CNIH3: variants seen among roughly 807,000 people sequenced by gnomAD.
CNIH3 encodes protein cornichon homolog 3.
In CNIH3, 14 loss-of-function variants were observed where a neutral mutation model predicts 24.1. The ratio of observed to expected loss-of-function variants is 0.58; its 90% CI spans 0.38 to 0.91. The LOEUF is 0.91. CNIH3 is among the 40% of genes least tolerant of loss of function. The pLI is 0.00. For synonymous variants in CNIH3, 68 were observed against 73.8 expected (o/e 0.92, Z 0.40); for missense variants, 178 against 196.8 (o/e 0.90, Z 0.57).
At chr1:224,652,003 A>G (rs1156633952) in intron 1 of CNIH3, among the ~76,000 whole-genome samples, 1 of 152,030 alleles carries the variant, frequency 6.6e-6, no homozygotes, top group Admixed American at 6.6e-5. Flanking sequence ...TTTTCAATCC[A>G]TTAGGTGTAA....
intron 1 of CNIH3, among the ~76,000 whole-genome samples, chr1:224,666,988 A>G (rs1572688583): frequency 6.6e-6 from 1 of 151,960 alleles, no homozygotes; most frequent in East Asian, 1.9e-4. Context: ...CCCTTTCCTG[A>G]CCCCTGTCAT....
At chr1:224,675,218 A>C (rs141778561) in intron 1 of CNIH3, among the ~76,000 whole-genome samples, 125 of 152,342 alleles carry the variant, frequency 8.2e-4, no homozygotes, top group South Asian at 1.5e-3. Flanking sequence ...AGATTTGACA[A>C]CTTCGATGAA....
chr1:224,592,001 G>A (rs1364163626), downstream of CNIH3, among the ~76,000 whole-genome samples: 1 of 152,166 alleles, frequency 6.6e-6, no homozygotes, highest in Non-Finnish European at 1.5e-5. Flanking sequence ...AACATAAAGA[G>A]TGGCTGTTGT....
At chr1:224,639,815 C>A (rs1301991310) in intron 1 of CNIH3, among the ~76,000 whole-genome samples, 6 of 152,198 alleles carry the variant, frequency 3.9e-5, no homozygotes, top group Admixed American at 1.3e-4. Context: ...TTTCTGCTGA[C>A]CCCAAGATTA....
intron 3 of CNIH3, among the ~76,000 whole-genome samples, chr1:224,727,032 C>G (rs1237172132): frequency 6.6e-6 from 1 of 152,186 alleles, no homozygotes; most frequent in African/African-American, 2.4e-5. Context: ...GAGGGAACGC[C>G]TGGTCTGACT....
intron 1 of CNIH3, among the ~76,000 whole-genome samples, chr1:224,464,999 G>GC (rs1676096331): frequency 6.6e-6 from 1 of 151,980 alleles, no homozygotes; most frequent in South Asian, 2.1e-4. Flanking sequence ...TCACCATGTT[G>GC]CCCAGGCTGG....
intron 1 of CNIH3, among the ~76,000 whole-genome samples, chr1:224,663,765 G>A (rs937984188): frequency 1.3e-5 from 2 of 152,142 alleles, no homozygotes; most frequent in African/African-American, 4.8e-5. Flanking sequence ...CATTTCAAAG[G>A]CTGTTCTTCA....
intron 1 of CNIH3, among the ~76,000 whole-genome samples, chr1:224,520,247 A>T (rs1296795791): frequency 6.6e-6 from 1 of 152,264 alleles, no homozygotes; most frequent in African/African-American, 2.4e-5. Flanking sequence ...GCAGCACAAC[A>T]TCTCTCAAGC....
intron 1 of CNIH3, among the ~76,000 whole-genome samples, chr1:224,460,076 CAT>C (rs1318394284): frequency 6.6e-6 from 1 of 151,906 alleles, no homozygotes; most frequent in Non-Finnish European, 1.5e-5. Flanking sequence ...AGGGTTTTGT[CAT>C]ATCGCCCAGG....
intron 3 of CNIH3, among the ~76,000 whole-genome samples, chr1:224,547,766 G>A (rs61825840): frequency 0.18 from 26,854 of 151,608 alleles, 2,523 homozygotes; most frequent in South Asian, 0.36. Flanking sequence ...GATATTATTC[G>A]TAATACCGAA....
chr1:224,636,232 C>G (rs993165611), intron 1 of CNIH3, among the ~76,000 whole-genome samples: 3 of 151,962 alleles, frequency 2.0e-5, no homozygotes, highest in Admixed American at 6.6e-5. Flanking sequence ...TTCGGTTTAC[C>G]ATTTGCATAT....
intron 1 of CNIH3, among the ~76,000 whole-genome samples, chr1:224,465,413 A>G (rs1676114348): frequency 6.6e-6 from 1 of 152,196 alleles, no homozygotes; most frequent in South Asian, 2.1e-4. Flanking sequence ...CTGGCTGGTT[A>G]GAATTATCTT....
chr1:224,516,732 A>G (rs1271838582), intron 1 of CNIH3, among the ~76,000 whole-genome samples: 3 of 152,234 alleles, frequency 2.0e-5, no homozygotes, highest in Non-Finnish European at 2.9e-5. Context: ...CCTGCCATGG[A>G]CAGAACAGCG....
In CNIH3 at chr1:224,616,560, T is replaced by C; in HGVS notation, c.-615T>C. Reference sequence around the variant, plus strand: ...GCGCACGGCTGCGCTGGAAGCCGCGTCTGGGGCGCAGGACCAACGGGACCT... The same window carrying C: ...GCGCACGGCTGCGCTGGAAGCCGCGCCTGGGGCGCAGGACCAACGGGACCT... On this transcript the variant is annotated 5_prime_UTR_variant, in exon 1 of 6. Coordinates refer to ENST00000272133, the MANE Select transcript of CNIH3 (RefSeq NM_152495.2). 1 of 986,838 alleles carries C rather than the reference T, an allele frequency of 1.0e-6. No homozygotes were observed. Among genetic ancestry groups the C allele is most frequent in the Non-Finnish European group, 1.2e-6 (1 of 830,910 alleles). The allele number at this position is 986,838 out of a possible 1,614,324, so 61.1% of individuals were successfully genotyped here. A position where few individuals can be genotyped will look rare whatever the true frequency, so the allele number is the denominator to read the frequency against.
intron 1 of CNIH3, among the ~76,000 whole-genome samples, chr1:224,666,886 G>GTGC (rs1008000913): frequency 2.6e-5 from 4 of 152,148 alleles, no homozygotes; most frequent in African/African-American, 9.6e-5. Context: ...GTCATGTCAC[G>GTGC]TGCATGCGGT....
chr1:224,534,999 C>T (rs1261798249), intron 2 of CNIH3, among the ~76,000 whole-genome samples: 1 of 152,182 alleles, frequency 6.6e-6, no homozygotes, highest in Non-Finnish European at 1.5e-5. Flanking sequence ...CACCTACCGG[C>T]CTATATTTCC....
chr1:224,690,535 T>C (rs547542267), intron 3 of CNIH3, among the ~76,000 whole-genome samples: 1 of 152,302 alleles, frequency 6.6e-6, no homozygotes, highest in South Asian at 2.1e-4. Context: ...ATGTCTGAGA[T>C]GATTTTGAGT....
At chr1:224,615,807 A>T (rs1422362909), upstream of CNIH3, 2 of 152,302 alleles carry the variant, frequency 1.3e-5, no homozygotes, top group Non-Finnish European at 2.9e-5. Context: ...GCAGAGCAGT[A>T]AACGCAGCCC....
chr1:224,533,184 G>A (rs898156082), intron 2 of CNIH3, among the ~76,000 whole-genome samples: 12 of 151,768 alleles, frequency 7.9e-5, no homozygotes, highest in Non-Finnish European at 1.3e-4. Flanking sequence ...TCATAGAGTT[G>A]GGTTACAGAT....
Sources: gnomAD v4.1 joint callset for allele counts (sites outside exome capture counted in the v4.1 genomes callset) on GRCh38, gnomAD v4.1.1 for gene constraint, MANE v1.5 for transcripts, NCBI Gene and HGNC (gene_info 2026-07-23, HGNC 2026-07-21) for gene names.